Variants in TTC27 observed in about 807,000 individuals in gnomAD.
TTC27 encodes the protein tetratricopeptide repeat protein 27.
A neutral mutation model predicts 115.9 loss-of-function variants in TTC27; 79 were observed. The observed-to-expected ratio is 0.68, with a 90% CI of 0.57 to 0.82. The LOEUF is 0.82. Ranked by LOEUF, TTC27 falls within the 40% of genes least tolerant of loss-of-function variation. TTC27 has a pLI of 0.00. For missense variants in TTC27, 1,054 were observed against 993.1 expected (o/e 1.06, Z -0.82); for synonymous variants, 401 against 356.0 (o/e 1.13, Z -1.42).
At chr2:32,785,427 G>T (rs1300499963) in intron 15 of TTC27, among the ~76,000 whole-genome samples, 1 of 152,034 alleles carries the variant, frequency 6.6e-6, no homozygotes, top group African/African-American at 2.4e-5. Context: ...GTTTACTGTA[G>T]AATCTCTATC....
At chr2:32,779,523 C>A (rs139376571) in intron 14 of TTC27, among the ~76,000 whole-genome samples, 288 of 151,516 alleles carry the variant, frequency 1.9e-3, no homozygotes, top group Admixed American at 4.0e-3. Context: ...TGTAAGAGTT[C>A]TTTCTATATT....
intron 9 of TTC27, among the ~76,000 whole-genome samples, chr2:32,699,007 C>G (rs1572526502): frequency 6.6e-6 from 1 of 152,138 alleles, no homozygotes; most frequent in East Asian, 1.9e-4. Context: ...TTCATGAGCA[C>G]CAGTCACTGT....
intron 5 of TTC27, among the ~76,000 whole-genome samples, chr2:32,662,948 C>T (rs967942743): frequency 3.3e-5 from 5 of 152,260 alleles, no homozygotes; most frequent in Admixed American, 3.3e-4. Flanking sequence ...ACTGCTTTAG[C>T]TGTGTCCAGA....
Position 32,706,952 on chromosome 2 carries a change from C to T in TTC27, c.1233+4032C>T, listed in dbSNP as rs554839555. On this transcript the variant is annotated intron_variant, in intron 10 of 19. Transcript: ENST00000317907. ...TTTGCAGGTTGGAGAGGCCAGGTGACTAAGTTGTGAACAGTAGGATGTGGA... is the reference window on the plus strand; with the variant it reads ...TTTGCAGGTTGGAGAGGCCAGGTGATTAAGTTGTGAACAGTAGGATGTGGA... 2.6e-4 allele frequency among the ~76,000 whole-genome samples: 39 copies of T among 152,292 alleles called. No homozygotes were observed. In the South Asian group the frequency reaches 7.7e-3, roughly 30 times the overall value.
At chr2:32,678,987 T>G in intron 9 of TTC27, 65 bp downstream of exon 9, 2 of 1,415,968 alleles carry the variant, frequency 1.4e-6, no homozygotes, top group Non-Finnish European at 2.0e-6. Context: ...TCTGGTATGG[T>G]CTTGCCTTGG....
rs765933012 is a variant in TTC27 at position 32,630,523 on chromosome 2, A to G, written c.89A>G (p.Glu30Gly). 6.8e-5 allele frequency: 108 copies of G among 1,597,586 alleles called. No homozygotes were observed. Among genetic ancestry groups the G allele is most frequent in the Non-Finnish European group, 8.3e-5 (97 of 1,173,694 alleles). Residue 30 changes from glutamate (E) to glycine (G), a missense_variant and splice_region_variant, in exon 2 of 20, where the codon GAG (glutamate) becomes GGG (glycine). Glu to Gly is a moderately conservative substitution (Grantham distance 98). Transcript: ENST00000317907. ...ACCGCACTAATTTTTTATATTACAG[A>G]GAGTGGATCTTTCCTACAATTGCTA... ...QWKQEGVVGS[E>G]SGSFLQLLLE...
chr2:32,657,886 A>G (rs1000443460), intron 5 of TTC27, among the ~76,000 whole-genome samples: 3 of 151,628 alleles, frequency 2.0e-5, no homozygotes, highest in Non-Finnish European at 4.4e-5. Flanking sequence ...CTGGAGTGCA[A>G]TGGCACTATC....
intron 13 of TTC27, among the ~76,000 whole-genome samples, chr2:32,765,570 C>A (rs949036259): frequency 6.6e-6 from 1 of 152,090 alleles, no homozygotes; most frequent in African/African-American, 2.4e-5. Flanking sequence ...GTATTAGCCC[C>A]TAATAGGAGA....
chr2:32,712,377 G>T (rs559591973), intron 10 of TTC27, among the ~76,000 whole-genome samples: 185 of 152,212 alleles, frequency 1.2e-3, no homozygotes, highest in Admixed American at 2.2e-3. Context: ...TGACAATGAA[G>T]AAAATAATGT....
chr2:32,738,175 A>G (rs1334172129), intron 12 of TTC27, among the ~76,000 whole-genome samples: 1 of 152,186 alleles, frequency 6.6e-6, no homozygotes, highest in African/African-American at 2.4e-5. Flanking sequence ...GTAGTATGGC[A>G]TGGTGGCTAA....
intron 13 of TTC27, among the ~76,000 whole-genome samples, chr2:32,761,470 C>A (rs937109788): frequency 6.6e-6 from 1 of 152,140 alleles, no homozygotes; most frequent in Non-Finnish European, 1.5e-5. Flanking sequence ...TATGGTAATA[C>A]CCAGTCTCTT....
At position 32,811,048 on chromosome 2, in the gene TTC27, G is replaced by T; in HGVS notation, c.2023G>T (p.Val675Leu). ...GGTCCTTAAAATTCTAGTCAGGGCAGTGATTGATGGGATGACTGATCGAAG... is the reference window on the plus strand; with the variant it reads ...GGTCCTTAAAATTCTAGTCAGGGCATTGATTGATGGGATGACTGATCGAAG... ...VQVLKILVRA[V>L]IDGMTDRSGD... Residue 675 changes from valine (V) to leucine (L), a missense_variant, in exon 17 of 20, where the codon GTG becomes TTG. Val to Leu is a conservative substitution (Grantham distance 32). Coordinates refer to ENST00000317907, the MANE Select transcript of TTC27 (RefSeq NM_017735.5). 6.2e-7 allele frequency: 1 copy of T among 1,614,186 alleles called. No homozygotes were observed. Among genetic ancestry groups the T allele is most frequent in the Non-Finnish European group, 8.5e-7 (1 of 1,180,018 alleles).
chr2:32,659,550 A>G (rs192229985), intron 5 of TTC27, among the ~76,000 whole-genome samples: 2 of 152,026 alleles, frequency 1.3e-5, no homozygotes, highest in African/African-American at 4.8e-5. Flanking sequence ...TTTTTATTTT[A>G]TTATACTTTA....
Position 32,642,680 on chromosome 2 carries a change from T to G in TTC27, c.537+2270T>G, listed in dbSNP as rs189979263. ...TTTGTTTGTTTGTTTGTTTTGTTTT[T>G]TTTTTAAGACAGGCTCTGGCCCCGT... On this transcript the variant is annotated intron_variant, in intron 4 of 19. Coordinates refer to ENST00000317907, the MANE Select transcript of TTC27 (RefSeq NM_017735.5). Among the ~76,000 whole-genome samples, 88 of 152,200 alleles carry G rather than the reference T, an allele frequency of 5.8e-4. No individual in the cohort carries two copies. In the East Asian group the frequency reaches 6.7e-3, roughly 12 times the overall value.
intron 18 of TTC27, among the ~76,000 whole-genome samples, chr2:32,816,293 G>A (rs550160061): frequency 3.3e-5 from 5 of 151,774 alleles, no homozygotes; most frequent in African/African-American, 9.7e-5. Context: ...CTCCAGCCTC[G>A]GTGACAGAGC....
At chr2:32,710,674 C>T (rs943891396) in intron 10 of TTC27, among the ~76,000 whole-genome samples, 33 of 152,026 alleles carry the variant, frequency 2.2e-4, no homozygotes, top group Non-Finnish European at 3.8e-4. Flanking sequence ...AGTGATCTGC[C>T]TGCCTCAGCC....
chr2:32,664,865 C>A (rs991668370), intron 6 of TTC27, among the ~76,000 whole-genome samples: 1 of 150,900 alleles, frequency 6.6e-6, no homozygotes, highest in African/African-American at 2.4e-5. Context: ...CCGAGTCTCG[C>A]TCTGTCGCCC....
rs191817771 is a variant in TTC27, at chr2:32,664,049, A to G, written c.641-254A>G. Among the ~76,000 whole-genome samples the G allele has an allele frequency of 3.0e-4, 46 of 151,988 alleles. No individual in the cohort carries two copies. The East Asian group carries it at 8.7e-3, about 29-fold the overall frequency. On this transcript the variant is annotated intron_variant, in intron 5 of 19. Transcript: ENST00000317907. ...CTGAGAAAGAGCAAGGTTATGAATC[A>G]TATCTCCCAGGATTGTGTGGAATAA...
chr2:32,815,223 A>ATTTTTTTTTTTTTTTTTTTTT lies in TTC27; in HGVS notation c.2309-2223_2309-2203dup, dbSNP rs533493768. Among the ~76,000 whole-genome samples, 6 of 55,512 alleles carry ATTTTTTTTTTTTTTTTTTTTT rather than the reference A, an allele frequency of 1.1e-4. 1 individual carries two copies. The highest frequency in any genetic ancestry group is 5.6e-4 in the African/African-American group (6 of 10,720). The allele number at this position is 55,512 out of a possible 152,430, so 36.4% of individuals were successfully genotyped here. A position where few individuals can be genotyped will look rare whatever the true frequency, so the allele number is the denominator to read the frequency against. On this transcript the variant is annotated intron_variant, in intron 18 of 19. Coordinates refer to ENST00000317907, the MANE Select transcript of TTC27 (RefSeq NM_017735.5). ...CATAGAGGAGGCACTGCTGCTTCAG[A>ATTTTTTTTTTTTTTTTTTTTT]TTTTTTTTTTTTTTTTTTTTTTTTT... is the stretch of plus-strand genomic sequence containing the variant.
Sources: allele counts gnomAD v4.1 joint callset (sites outside exome capture counted in the v4.1 genomes callset), GRCh38; gene constraint gnomAD v4.1.1; transcripts MANE v1.5; gene names NCBI Gene and HGNC (gene_info 2026-07-23, HGNC 2026-07-21).